Variants in ERBB4 observed in about 807,000 individuals in gnomAD.
ERBB4 encodes the protein erb-b2 receptor tyrosine kinase 4.
In ERBB4, 42 loss-of-function variants were observed where a neutral mutation model predicts 158.0. The observed-to-expected ratio is 0.27, with a 90% CI of 0.21 to 0.34. ERBB4 has a LOEUF of 0.34. Ranked by LOEUF, ERBB4 falls within the 10% of genes least tolerant of loss-of-function variation. The pLI is 1.00. For missense variants in ERBB4, 1,333 were observed against 1,624.1 expected, an observed-to-expected ratio of 0.82 and a Z score of 3.08; for synonymous variants, 583 against 558.7, an observed-to-expected ratio of 1.04 and a Z score of -0.61.
rs1553558603 is a variant in ERBB4, at chr2:212,102,090, T to TATATATATATATATATATATATA, written c.234+22661_234+22662insTATATATATATATATATATATAT. On this transcript the variant is annotated intron_variant, in intron 2 of 27. Transcript: ENST00000342788. ...AAATCATATACGTTGAAAATTTATT[T>TATATATATATATATATATATATA]TATATATATATATATATATATATGT... is the stretch of plus-strand genomic sequence containing the variant. Among the ~76,000 whole-genome samples the TATATATATATATATATATATATA allele has an allele frequency of 3.0e-3, 328 of 107,924 alleles. 25 individuals are homozygous for TATATATATATATATATATATATA. Among genetic ancestry groups the TATATATATATATATATATATATA allele is most frequent in the South Asian group, 0.019 (54 of 2,810 alleles). 70.8% of individuals were successfully genotyped at this position (107,924 alleles called of 152,430 possible). A position where few individuals can be genotyped will look rare whatever the true frequency, so the allele number is the denominator to read the frequency against.
intron 2 of ERBB4, among the ~76,000 whole-genome samples, chr2:212,045,507 G>A (rs948655104): frequency 6.6e-6 from 1 of 152,022 alleles, no homozygotes; most frequent in South Asian, 2.1e-4. Flanking sequence ...TTTTGTTTTT[G>A]GTAATATATA....
intron 4 of ERBB4, chr2:211,777,356 T>C (rs1266565306): frequency 6.6e-6 from 1 of 152,314 alleles, no homozygotes; most frequent in Admixed American, 6.5e-5. Context: ...CGTAAAATCC[T>C]AGCCTACTCC....
rs183763346 is a variant in ERBB4 at position 211,928,238 on chromosome 2, T to A, written c.421+19192A>T. Among the ~76,000 whole-genome samples, 16 of 152,204 alleles carry A rather than the reference T, an allele frequency of 1.1e-4. No individual in the cohort carries two copies. The East Asian group carries it at 3.1e-3, about 29-fold the overall frequency. On this transcript the variant is annotated intron_variant, in intron 3 of 27. Coordinates refer to ENST00000342788, the MANE Select transcript of ERBB4 (RefSeq NM_005235.3). ...GTTAAATTTCATGCCCTGAACTTCA[T>A]CTGTATGTAGGATTATATTTTTGAA...
At chr2:211,823,843 G>A (rs1559549594) in intron 3 of ERBB4, among the ~76,000 whole-genome samples, 1 of 151,776 alleles carries the variant, frequency 6.6e-6, no homozygotes, top group Admixed American at 6.6e-5. Flanking sequence ...AATTTTTGAG[G>A]GCCCAATTGG....
At chr2:211,570,325 C>CTTTTTTTTTTTTTTTTTT (rs769458178) in intron 19 of ERBB4, among the ~76,000 whole-genome samples, 2 of 105,220 alleles carry the variant, frequency 1.9e-5, no homozygotes, top group African/African-American at 3.9e-5. Context: ...CTAATTTTTG[C>CTTTTTTTTTTTTTTTTTT]TTTTTTTTTT....
intron 19 of ERBB4, among the ~76,000 whole-genome samples, chr2:211,611,435 T>TGCTTTCGCTTTACTTTC (rs2069194707): frequency 1.3e-5 from 2 of 152,196 alleles, no homozygotes; most frequent in Admixed American, 6.5e-5. Flanking sequence ...GCTTTACTTT[T>TGCTTTCGCTTTACTTTC]GCTTTCGCTT....
At chr2:211,566,316 C>T (rs1026640592) in intron 19 of ERBB4, among the ~76,000 whole-genome samples, 1 of 152,108 alleles carries the variant, frequency 6.6e-6, no homozygotes, top group Non-Finnish European at 1.5e-5. Context: ...CTGGTAAGAA[C>T]GATCACTGTA....
chr2:211,701,908 A>G, intron 12 of ERBB4, 59 bp downstream of exon 12: 1 of 1,306,470 alleles, frequency 7.7e-7, no homozygotes, highest in Non-Finnish European at 1.1e-6. Context: ...GTTTGGTCCA[A>G]AGAAGAATGG....
chr2:211,793,930 T>C (rs553604021), intron 3 of ERBB4, among the ~76,000 whole-genome samples: 5 of 151,970 alleles, frequency 3.3e-5, no homozygotes, highest in Non-Finnish European at 5.9e-5. Flanking sequence ...GTGTGCAAAA[T>C]TGAAATGTCA....
intron 1 of ERBB4, among the ~76,000 whole-genome samples, chr2:212,179,575 A>G (rs2081789727): frequency 6.6e-6 from 1 of 151,534 alleles, no homozygotes; most frequent in Admixed American, 6.6e-5. Flanking sequence ...AGAATTAGAG[A>G]TCATGTTGCT....
chr2:212,105,165 A>G (rs1294516827), intron 2 of ERBB4, among the ~76,000 whole-genome samples: 3 of 152,132 alleles, frequency 2.0e-5, no homozygotes, highest in Non-Finnish European at 4.4e-5. Context: ...CATGCAGAAA[A>G]CCTAATATGA....
chr2:212,312,817 G>C (rs2087108050), intron 1 of ERBB4, among the ~76,000 whole-genome samples: 1 of 150,334 alleles, frequency 6.7e-6, no homozygotes, highest in Non-Finnish European at 1.5e-5. Context: ...CCTTATTTTA[G>C]AAGCAAAAGC....
At chr2:212,181,372 G>A (rs1177097095) in intron 1 of ERBB4, among the ~76,000 whole-genome samples, 1 of 151,552 alleles carries the variant, frequency 6.6e-6, no homozygotes, top group Non-Finnish European at 1.5e-5. Context: ...GTGTGAATAT[G>A]TACGTACATA....
At chr2:212,267,465 A>G (rs1011755317) in intron 1 of ERBB4, among the ~76,000 whole-genome samples, 1 of 151,894 alleles carries the variant, frequency 6.6e-6, no homozygotes, top group Non-Finnish European at 1.5e-5. Context: ...AGTTTACCTT[A>G]GCTTATTTTA....
chr2:211,793,386 T>C (rs965395010), intron 3 of ERBB4, among the ~76,000 whole-genome samples: 1 of 151,996 alleles, frequency 6.6e-6, no homozygotes, highest in East Asian at 1.9e-4. Context: ...AGAATTAAAA[T>C]GATAATTAAA....
At chr2:211,739,292 AC>A (rs1484902470) in intron 5 of ERBB4, among the ~76,000 whole-genome samples, 1 of 152,156 alleles carries the variant, frequency 6.6e-6, no homozygotes, top group Non-Finnish European at 1.5e-5. Context: ...CTTTGTAAAA[AC>A]TAAATCACTG....
intron 1 of ERBB4, among the ~76,000 whole-genome samples, chr2:212,320,375 T>C (rs2087509162): frequency 1.3e-5 from 2 of 149,016 alleles, no homozygotes; most frequent in African/African-American, 4.9e-5. Flanking sequence ...AAATAAAGCA[T>C]TTAGAGAAAA....
chr2:211,627,298 C>T (rs576160276), intron 17 of ERBB4, among the ~76,000 whole-genome samples: 6 of 152,214 alleles, frequency 3.9e-5, no homozygotes, highest in African/African-American at 1.4e-4. Context: ...TGTGTTGTGT[C>T]CAAACTTTCA....
chr2:212,095,435 T>G (rs761885234), intron 2 of ERBB4, among the ~76,000 whole-genome samples: 4 of 152,208 alleles, frequency 2.6e-5, no homozygotes, highest in Admixed American at 6.5e-5. Flanking sequence ...TCCCAAAGTT[T>G]GCATAAAACC....
Sources: allele counts gnomAD v4.1 joint callset (sites outside exome capture counted in the v4.1 genomes callset), GRCh38; gene constraint gnomAD v4.1.1; transcripts MANE v1.5; gene names NCBI Gene and HGNC (gene_info 2026-07-23, HGNC 2026-07-21).